The following FAM171B variants were observed in gnomAD, a reference collection of about 807,000 sequenced individuals.
The protein encoded by FAM171B is protein FAM171B.
A neutral mutation model predicts 75.6 loss-of-function variants in FAM171B; 19 were observed. That is an observed-to-expected ratio of 0.25 (90% CI 0.18 to 0.37). The LOEUF is 0.37. Among genes scored for constraint, FAM171B ranks in the 10% least tolerant of loss-of-function variants. The probability of loss-of-function intolerance (pLI) is 1.00; values close to 1 mark genes in which losing one functional copy is unlikely to be tolerated. For missense variants in FAM171B, 848 were observed against 982.4 expected (o/e 0.86, Z 1.83); for synonymous variants, 367 against 361.7 (o/e 1.01, Z -0.17).
chr2:186,737,361 TTC>T (rs530288496), intron 1 of FAM171B, among the ~76,000 whole-genome samples: 1 of 152,224 alleles, frequency 6.6e-6, no homozygotes, highest in Non-Finnish European at 1.5e-5. Context: ...TTTCTTTTCT[TTC>T]TCTTTTTTTA....
intron 3 of FAM171B, 76 bp downstream of exon 3, chr2:186,743,651 T>C: frequency 2.0e-6 from 2 of 1,012,140 alleles, no homozygotes; most frequent in South Asian, 2.8e-5. Context: ...TAAGAATCAG[T>C]GTGAATTATA....
At chr2:186,721,552 G>GAT (rs1689954479) in intron 1 of FAM171B, among the ~76,000 whole-genome samples, 1 of 152,058 alleles carries the variant, frequency 6.6e-6, no homozygotes. Flanking sequence ...GCACCTTTTA[G>GAT]ATATACACTA....
At chr2:186,750,281 G>A (rs1297551062) in intron 4 of FAM171B, among the ~76,000 whole-genome samples, 1 of 152,064 alleles carries the variant, frequency 6.6e-6, no homozygotes, top group African/African-American at 2.4e-5. Context: ...GCAAAAGAAA[G>A]GCACTTTCTG....
chr2:186,698,973 G>C (rs1204330352), intron 1 of FAM171B, among the ~76,000 whole-genome samples: 2 of 152,124 alleles, frequency 1.3e-5, no homozygotes, highest in Non-Finnish European at 2.9e-5. Flanking sequence ...CCTTGTTAAT[G>C]GTTGAATAGT....
intron 5 of FAM171B, 91 bp downstream of exon 5, chr2:186,751,395 A>G: frequency 1.7e-6 from 2 of 1,162,684 alleles, no homozygotes; most frequent in East Asian, 2.5e-5. Flanking sequence ...ATACAGCTCT[A>G]GTTTTTTAGT....
chr2:186,718,925 C>T (rs1024983662), intron 1 of FAM171B, among the ~76,000 whole-genome samples: 4 of 152,122 alleles, frequency 2.6e-5, no homozygotes, highest in Admixed American at 6.5e-5. Context: ...ACTTCCAGGC[C>T]TTCCTGGCAA....
intron 4 of FAM171B, among the ~76,000 whole-genome samples, chr2:186,747,817 CATA>C (rs1267907978): frequency 2.0e-5 from 3 of 152,066 alleles, no homozygotes; most frequent in African/African-American, 7.2e-5. Context: ...ATAAGGCTGT[CATA>C]ATATAAAAGT....
At chr2:186,738,867 T>TA (rs1690245259) in intron 1 of FAM171B, among the ~76,000 whole-genome samples, 3 of 152,200 alleles carry the variant, frequency 2.0e-5, no homozygotes, top group Admixed American at 2.0e-4. Flanking sequence ...ATGTGTAACT[T>TA]AACAATGACA....
In FAM171B at chr2:186,763,009, T is replaced by A; in HGVS notation, c.*186T>A. ...CCAAGGAATGCTTTTTCTGGCCTAT[T>A]CATTTATTTTTGGGTGATGAATTTA... is the stretch of plus-strand genomic sequence containing the variant. On this transcript the variant is annotated 3_prime_UTR_variant, in exon 8 of 8. Transcript: ENST00000304698. 3.0e-6 allele frequency: 2 copies of A among 673,162 alleles called. No homozygotes were observed. The highest frequency in any genetic ancestry group is 4.8e-6 in the Non-Finnish European group (2 of 420,830). 41.7% of individuals were successfully genotyped at this position (673,162 alleles called of 1,614,324 possible). A position where few individuals can be genotyped will look rare whatever the true frequency, so the allele number is the denominator to read the frequency against.
intron 6 of FAM171B, among the ~76,000 whole-genome samples, chr2:186,756,164 C>T (rs1690528482): frequency 9.2e-6 from 1 of 108,282 alleles, no homozygotes; most frequent in Non-Finnish European, 2.1e-5. Context: ...AAGTTCTGTT[C>T]CAGATTATTT....
Position 186,694,084 on chromosome 2 carries a change from C to G in FAM171B, c.-90C>G, listed in dbSNP as rs1310428079. On this transcript the variant is annotated 5_prime_UTR_variant, in exon 1 of 8. Coordinates refer to ENST00000304698, the MANE Select transcript of FAM171B (RefSeq NM_177454.4). ...GGCAGATTGCGCGAGGGGGAGCGAG[C>G]GAGCGGGCGCTGCCAGGAGCCCGCA... 2.0e-5 allele frequency: 27 copies of G among 1,374,942 alleles called. No individual in the cohort carries two copies. Among genetic ancestry groups the G allele is most frequent in the Non-Finnish European group, 2.4e-5 (26 of 1,069,504 alleles). 85.2% of individuals were successfully genotyped at this position (1,374,942 alleles called of 1,614,324 possible).
chr2:186,743,814 G>C (rs979732977), intron 3 of FAM171B, among the ~76,000 whole-genome samples: 4 of 152,178 alleles, frequency 2.6e-5, no homozygotes, highest in Non-Finnish European at 5.9e-5. Flanking sequence ...CAGGCACACT[G>C]TAGAGAACTT....
chr2:186,698,514 T>A (rs926193772), intron 1 of FAM171B, among the ~76,000 whole-genome samples: 2 of 152,204 alleles, frequency 1.3e-5, no homozygotes, highest in Non-Finnish European at 2.9e-5. Flanking sequence ...TTGTTTTTAA[T>A]TTTTAATTTT....
At chr2:186,729,207 G>T (rs1204123928) in intron 1 of FAM171B, among the ~76,000 whole-genome samples, 1 of 152,028 alleles carries the variant, frequency 6.6e-6, no homozygotes, top group Non-Finnish European at 1.5e-5. Flanking sequence ...TGTTTTCTAA[G>T]GGTGCAGTTG....
intron 1 of FAM171B, among the ~76,000 whole-genome samples, chr2:186,739,136 AT>A (rs903114875): frequency 6.6e-6 from 1 of 151,710 alleles, no homozygotes; most frequent in African/African-American, 2.4e-5. Context: ...CATACAAAAG[AT>A]TTTTTTTTAA....
At chr2:186,730,522 CT>C (rs1307348655) in intron 1 of FAM171B, among the ~76,000 whole-genome samples, 2 of 152,106 alleles carry the variant, frequency 1.3e-5, no homozygotes, top group African/African-American at 4.8e-5. Context: ...TTAGTCAGGC[CT>C]GTATTATGCA....
chr2:186,748,240 C>T (rs1324641250), intron 4 of FAM171B, among the ~76,000 whole-genome samples: 1 of 152,018 alleles, frequency 6.6e-6, no homozygotes, highest in Non-Finnish European at 1.5e-5. Flanking sequence ...CCATTTTTAC[C>T]ACTCATTGTA....
chr2:186,707,841 TAAAAAAA>T (rs11352829), intron 1 of FAM171B, among the ~76,000 whole-genome samples: 1 of 144,282 alleles, frequency 6.9e-6, no homozygotes, highest in African/African-American at 2.5e-5. Flanking sequence ...TTTTTTTTTT[TAAAAAAA>T]AAAAAAGGTT....
At chr2:186,695,284 C>G (rs1029334579) in intron 1 of FAM171B, 2 of 152,196 alleles carry the variant, frequency 1.3e-5, no homozygotes, top group African/African-American at 4.8e-5. Context: ...AAAGCTCCAT[C>G]GGTAAGCAAA....
Sources: gnomAD v4.1 joint callset for allele counts (sites outside exome capture counted in the v4.1 genomes callset) on GRCh38, gnomAD v4.1.1 for gene constraint, MANE v1.5 for transcripts, NCBI Gene and HGNC (gene_info 2026-07-23, HGNC 2026-07-21) for gene names.